Variants in SLCO5A1 observed in about 807,000 individuals in gnomAD.
SLCO5A1 encodes the protein solute carrier organic anion transporter family member 5A1, also known as organic anion transporter polypeptide-related protein 4.
In SLCO5A1, 39 loss-of-function variants were observed where a neutral mutation model predicts 65.1. That is an observed-to-expected ratio of 0.60 (90% CI 0.46 to 0.78). The LOEUF (loss-of-function observed/expected upper bound fraction) is 0.78. SLCO5A1 is among the 30% of genes least tolerant of loss of function. The pLI is 0.00. For missense variants in SLCO5A1, 1,029 were observed against 1,069.4 expected (o/e 0.96, Z 0.53); for synonymous variants, 438 against 415.7 (o/e 1.05, Z -0.65).
At chr8:69,680,682 T>C (rs1055488878) in intron 7 of SLCO5A1, among the ~76,000 whole-genome samples, 3 of 152,238 alleles carry the variant, frequency 2.0e-5, no homozygotes, top group African/African-American at 7.2e-5. Context: ...GTGGTCGTTT[T>C]AAGTTCTTTG....
intron 4 of SLCO5A1, among the ~76,000 whole-genome samples, 180 bp from the exon 5 acceptor site, chr8:69,738,384 G>GTT (rs35273615): frequency 0.061 from 8,738 of 143,438 alleles, 264 homozygotes; most frequent in African/African-American, 0.082. Context: ...ATTTTCTTTT[G>GTT]TTTTTTTTTT....
intron 2 of SLCO5A1, among the ~76,000 whole-genome samples, chr8:69,783,206 A>T (rs1180924691): frequency 1.3e-5 from 2 of 152,182 alleles, no homozygotes; most frequent in Admixed American, 1.3e-4. Context: ...TCTTCAGATT[A>T]ATGGGTACAA....
At chr8:69,798,842 T>C (rs1183728888) in intron 2 of SLCO5A1, among the ~76,000 whole-genome samples, 2 of 152,246 alleles carry the variant, frequency 1.3e-5, no homozygotes, top group Non-Finnish European at 2.9e-5. Flanking sequence ...AGGCTTTCCA[T>C]AGAATGCTAT....
At chr8:69,681,422 C>T (rs971746084) in intron 7 of SLCO5A1, among the ~76,000 whole-genome samples, 2 of 152,016 alleles carry the variant, frequency 1.3e-5, no homozygotes, top group Admixed American at 6.6e-5. Flanking sequence ...GGAGAAACCC[C>T]GTCTCTACTA....
chr8:69,742,489 C>T, intron 4 of SLCO5A1, among the ~76,000 whole-genome samples: 1 of 152,212 alleles, frequency 6.6e-6, no homozygotes, highest in Admixed American at 6.5e-5. Context: ...ATGCCTTAAA[C>T]AGTAGTAAAG....
At chr8:69,696,427 G>A (rs1814501963) in intron 6 of SLCO5A1, among the ~76,000 whole-genome samples, 1 of 152,206 alleles carries the variant, frequency 6.6e-6, no homozygotes, top group Admixed American at 6.5e-5. Flanking sequence ...AGGCAAAAGT[G>A]AGATGTGGAG....
intron 2 of SLCO5A1, among the ~76,000 whole-genome samples, chr8:69,800,800 G>A (rs137958317): frequency 3.2e-4 from 48 of 152,272 alleles, no homozygotes; most frequent in African/African-American, 1.0e-3. Context: ...CCAGAACGTT[G>A]CCACCCCTTT....
At chr8:69,750,310 G>A (rs757348817) in intron 4 of SLCO5A1, among the ~76,000 whole-genome samples, 2 of 152,018 alleles carry the variant, frequency 1.3e-5, no homozygotes, top group African/African-American at 2.4e-5. Context: ...TCTACTAGTC[G>A]AAACCTCTCC....
intron 5 of SLCO5A1, among the ~76,000 whole-genome samples, chr8:69,728,858 C>G (rs1816211093): frequency 6.6e-6 from 1 of 152,002 alleles, no homozygotes; most frequent in Non-Finnish European, 1.5e-5. Flanking sequence ...AATCTCATGA[C>G]TTTTTTTAAT....
intron 6 of SLCO5A1, among the ~76,000 whole-genome samples, chr8:69,692,594 A>G (rs1814316182): frequency 6.6e-6 from 1 of 152,220 alleles, no homozygotes; most frequent in Admixed American, 6.5e-5. Context: ...GTGGTGCAAA[A>G]GTATTTTTTC....
chr8:69,765,401 T>TATATACACACACACACACACACAC (rs918909833), intron 2 of SLCO5A1, among the ~76,000 whole-genome samples: 1 of 149,638 alleles, frequency 6.7e-6, no homozygotes, highest in African/African-American at 2.5e-5. Context: ...TATATATATA[T>TATATACACACACACACACACACAC]ACACACACAC....
At chr8:69,760,302 G>A (rs945066334) in intron 3 of SLCO5A1, among the ~76,000 whole-genome samples, 1 of 152,174 alleles carries the variant, frequency 6.6e-6, no homozygotes, top group Non-Finnish European at 1.5e-5. Flanking sequence ...CCCTAATGCT[G>A]ACAGGGGAAC....
chr8:69,798,371 G>A (rs976387635), intron 2 of SLCO5A1, among the ~76,000 whole-genome samples: 1 of 152,164 alleles, frequency 6.6e-6, no homozygotes, highest in Non-Finnish European at 1.5e-5. Context: ...ATTGGCTCAT[G>A]GTTCTACAGC....
intron 7 of SLCO5A1, among the ~76,000 whole-genome samples, chr8:69,680,885 TA>T (rs1813739548): frequency 6.6e-6 from 1 of 152,178 alleles, no homozygotes. Context: ...AGAGTCAGAC[TA>T]AATGGACATC....
At position 69,786,584 on chromosome 8, in the gene SLCO5A1, TA is replaced by T. The variant is rs1223671753; in HGVS notation, c.908-24710del. 2.6e-5 allele frequency among the ~76,000 whole-genome samples: 4 copies of T among 152,346 alleles called. No homozygotes were observed. The East Asian group carries it at 7.7e-4, about 29-fold the overall frequency. On this transcript the variant is annotated intron_variant, in intron 2 of 9. Coordinates refer to ENST00000260126, the MANE Select transcript of SLCO5A1 (RefSeq NM_030958.3). ...AATACTATTCATTAGTAAGAACCCTTAGAAACAATCCATGATTTTGTTCTCC... is the reference window on the plus strand; with the variant it reads ...AATACTATTCATTAGTAAGAACCCTTGAAACAATCCATGATTTTGTTCTCC...
chr8:69,679,706 C>T (rs1813688249), intron 7 of SLCO5A1, 87 bp from the exon 8 acceptor site: 3 of 1,522,452 alleles, frequency 2.0e-6, no homozygotes, highest in Admixed American at 4.2e-5. Flanking sequence ...AGTAAAAGTA[C>T]TCTAAAATAG....
intron 6 of SLCO5A1, among the ~76,000 whole-genome samples, chr8:69,699,542 G>A (rs1426625939): frequency 6.9e-6 from 1 of 144,016 alleles, no homozygotes; most frequent in Non-Finnish European, 1.5e-5. Flanking sequence ...CAGATGACAA[G>A]ACCTACCCTC....
intron 3 of SLCO5A1, among the ~76,000 whole-genome samples, chr8:69,760,032 C>T (rs1007933531): frequency 6.6e-6 from 1 of 152,178 alleles, no homozygotes; most frequent in African/African-American, 2.4e-5. Context: ...AAGACTAAAG[C>T]TCCTGCCTTC....
chr8:69,785,850 G>A (rs1819024980), intron 2 of SLCO5A1, among the ~76,000 whole-genome samples: 1 of 152,164 alleles, frequency 6.6e-6, no homozygotes, highest in Non-Finnish European at 1.5e-5. Flanking sequence ...ATGTGCAACA[G>A]CCAAATAATA....
Sources: gnomAD v4.1 joint callset for allele counts (sites outside exome capture counted in the v4.1 genomes callset) on GRCh38, gnomAD v4.1.1 for gene constraint, MANE v1.5 for transcripts, NCBI Gene and HGNC (gene_info 2026-07-23, HGNC 2026-07-21) for gene names.